UROS: variants seen among roughly 807,000 people sequenced by gnomAD.
UROS encodes uroporphyrinogen-III synthase.
In UROS, 18 loss-of-function variants were observed where a neutral mutation model predicts 33.0. That is an observed-to-expected ratio of 0.55 (90% CI 0.38 to 0.81). The LOEUF (loss-of-function observed/expected upper bound fraction) is 0.81, where lower values mean the gene tolerates loss of function less well. UROS is among the 30% of genes least tolerant of loss of function. UROS has a pLI of 0.00. For synonymous variants in UROS, 114 were observed against 121.1 expected, an observed-to-expected ratio of 0.94 and a Z score of 0.38; for missense variants, 293 against 314.9, an observed-to-expected ratio of 0.93 and a Z score of 0.53.
Position 125,798,095 on chromosome 10 carries a change from C to A in UROS, c.445G>T (p.Glu149Ter). ...TCCTTGAGCGCTTTTGGCAGGATTT[C>A]TCTTTTGAGGTTTCCACAGGGAAAT... ...LLFPCGNLKR[E>*]ILPKALKDKG... Residue 149 changes from glutamate to a stop codon, truncating the protein, a stop_gained, in exon 7 of 10, where the codon GAA becomes TAA. Coordinates refer to ENST00000368797, the MANE Select transcript of UROS (RefSeq NM_000375.3). LOFTEE classifies it high-confidence loss of function. 3.1e-6 allele frequency: 5 copies of A among 1,614,090 alleles called. No homozygotes were observed. The highest frequency in any genetic ancestry group is 4.2e-6 in the Non-Finnish European group (5 of 1,179,928).
chr10:125,791,476 G>A (rs1403758807), intron 9 of UROS: 1 of 152,090 alleles, frequency 6.6e-6, no homozygotes. Context: ...TCTACTCCTA[G>A]ATATACACCC....
intron 9 of UROS, chr10:125,791,737 T>C (rs145674694): frequency 6.6e-6 from 1 of 152,174 alleles, no homozygotes; most frequent in Admixed American, 6.5e-5. Context: ...TACTGTATGA[T>C]TCTATTAATA....
intron 6 of UROS, chr10:125,802,292 C>T (rs1851904310): frequency 1.0e-6 from 1 of 985,760 alleles, no homozygotes; most frequent in Admixed American, 6.1e-5. Flanking sequence ...CGGGGCCCAA[C>T]CAGTGCTCTC....
chr10:125,797,515 C>T (rs900235174), intron 7 of UROS, among the ~76,000 whole-genome samples: 1 of 152,188 alleles, frequency 6.6e-6, no homozygotes, highest in Non-Finnish European at 1.5e-5. Context: ...TGCTCCCAGA[C>T]TAACTATGTG....
At chr10:125,790,422 G>GA (rs1183908668) in intron 9 of UROS, among the ~76,000 whole-genome samples, 1 of 151,876 alleles carries the variant, frequency 6.6e-6, no homozygotes, top group African/African-American at 2.4e-5. Context: ...AGAAACAAAA[G>GA]AAAAAAACAA....
At chr10:125,817,319 C>T (rs751819538) in intron 1 of UROS, among the ~76,000 whole-genome samples, 1 of 148,616 alleles carries the variant, frequency 6.7e-6, no homozygotes, top group Non-Finnish European at 1.5e-5. Flanking sequence ...CTACCTGCCT[C>T]GGCCTCCCAA....
At chr10:125,818,869 T>A (rs1326309800) in intron 1 of UROS, among the ~76,000 whole-genome samples, 1 of 152,254 alleles carries the variant, frequency 6.6e-6, no homozygotes, top group Non-Finnish European at 1.5e-5. Flanking sequence ...TTACCCAGCA[T>A]CTTTGAAACA....
intron 6 of UROS, among the ~76,000 whole-genome samples, chr10:125,799,857 C>A (rs1454367284): frequency 6.6e-6 from 1 of 152,112 alleles, no homozygotes; most frequent in Non-Finnish European, 1.5e-5. Context: ...GAAAACTAGC[C>A]CACTTCAAAA....
At chr10:125,813,844 C>G (rs1416700633) in intron 4 of UROS, among the ~76,000 whole-genome samples, 1 of 152,284 alleles carries the variant, frequency 6.6e-6, no homozygotes, top group Non-Finnish European at 1.5e-5. Flanking sequence ...TATGAAATCA[C>G]CAAGAAGGTG....
chr10:125,819,616 G>GT (rs1164288094), intron 1 of UROS: 1 of 152,300 alleles, frequency 6.6e-6, no homozygotes, highest in Non-Finnish European at 1.5e-5. Context: ...ACTCTGGTGG[G>GT]TGGCTCATGG....
intron 6 of UROS, among the ~76,000 whole-genome samples, chr10:125,803,292 G>A (rs898520302): frequency 1.3e-5 from 2 of 152,186 alleles, no homozygotes; most frequent in African/African-American, 4.8e-5. Flanking sequence ...AAATGCCAAT[G>A]TATGTCAGAC....
chr10:125,796,440 A>G (rs1851372260), intron 7 of UROS, among the ~76,000 whole-genome samples: 1 of 152,154 alleles, frequency 6.6e-6, no homozygotes, highest in Non-Finnish European at 1.5e-5. Context: ...CAGAAACCAA[A>G]GCCTTCATTT....
Position 125,816,109 on chromosome 10 carries a change from C to T in UROS, c.147+68G>A, listed in dbSNP as rs1853295876. 6.9e-6 allele frequency: 10 copies of T among 1,439,616 alleles called. No homozygotes were observed. In the South Asian group the frequency reaches 1.0e-4, roughly 15 times the overall value. 89.2% of individuals were successfully genotyped at this position (1,439,616 alleles called of 1,614,324 possible). A position where few individuals can be genotyped will look rare whatever the true frequency, so the allele number is the denominator to read the frequency against. On this transcript the variant is annotated intron_variant, in intron 3 of 9. Transcript: ENST00000368797. ...AAATAAGAAGACAGTAAAATAGTCCCTCTCTGGCTTCAGCTGGCAAGGGAG... is the reference window on the plus strand; with the variant it reads ...AAATAAGAAGACAGTAAAATAGTCCTTCTCTGGCTTCAGCTGGCAAGGGAG...
rs555812435 is a variant in UROS, at chr10:125,806,578, T to C, written c.394+835A>G. Among the ~76,000 whole-genome samples the C allele has an allele frequency of 6.6e-5, 10 of 152,352 alleles. No individual in the cohort carries two copies. In the South Asian group the frequency reaches 1.9e-3, roughly 28 times the overall value. On this transcript the variant is annotated intron_variant, in intron 6 of 9. Transcript: ENST00000368797. Reference sequence around the variant, plus strand: ...AGAGATTAGTAGTTCTGACAGACCATTTGCCTGCAAAGCCCAAAATATCCT... The same window carrying C: ...AGAGATTAGTAGTTCTGACAGACCACTTGCCTGCAAAGCCCAAAATATCCT...
chr10:125,812,105 G>T, intron 5 of UROS, 109 bp downstream of exon 5: 1 of 1,043,554 alleles, frequency 9.6e-7, no homozygotes. Flanking sequence ...ATTAATTTTT[G>T]CAAATTTAAT....
chr10:125,801,317 C>T (rs914913679), intron 6 of UROS, among the ~76,000 whole-genome samples: 8 of 152,186 alleles, frequency 5.3e-5, no homozygotes, highest in Non-Finnish European at 4.4e-5. Context: ...CTACCTTTTA[C>T]CATTTAGTGT....
chr10:125,822,895 C>T (rs997245591), intron 1 of UROS, 134 bp downstream of exon 1: 5 of 152,246 alleles, frequency 3.3e-5, no homozygotes, highest in African/African-American at 7.2e-5. Context: ...AGCGGACATC[C>T]CCGCCTGGGC....
intron 6 of UROS, 98 bp downstream of exon 6, chr10:125,807,315 C>T (rs1852419392): frequency 1.9e-6 from 2 of 1,064,460 alleles, no homozygotes; most frequent in Non-Finnish European, 2.9e-6. Context: ...AATCTCACCA[C>T]CAAGAATGCA....
intron 1 of UROS, among the ~76,000 whole-genome samples, chr10:125,822,746 C>A (rs998509634): frequency 2.0e-5 from 3 of 152,218 alleles, no homozygotes; most frequent in Non-Finnish European, 2.9e-5. Context: ...GCGCGAGACA[C>A]CGGGCCCGGC....
Sources: allele counts gnomAD v4.1 joint callset (sites outside exome capture counted in the v4.1 genomes callset), GRCh38; gene constraint gnomAD v4.1.1; transcripts MANE v1.5; gene names NCBI Gene and HGNC (gene_info 2026-07-23, HGNC 2026-07-21).